ROBO2: variants seen among roughly 807,000 people sequenced by gnomAD.
ROBO2 encodes roundabout homolog 2.
Under a neutral mutation model 160.8 loss-of-function variants are expected in ROBO2, and 53 were observed. The ratio of observed to expected loss-of-function variants is 0.33; its 90% CI spans 0.26 to 0.41. ROBO2 has a LOEUF of 0.41. Ranked by LOEUF, ROBO2 falls within the 10% of genes least tolerant of loss-of-function variation. The pLI is 1.00. For missense variants in ROBO2, 1,577 were observed against 1,722.4 expected (o/e 0.92, Z 1.49); for synonymous variants, 664 against 611.7 (o/e 1.09, Z -1.26).
intron 2 of ROBO2, among the ~76,000 whole-genome samples, chr3:77,158,424 G>T (rs576805661): frequency 3.3e-5 from 5 of 152,160 alleles, no homozygotes; most frequent in Admixed American, 2.0e-4. Flanking sequence ...AACCATATGA[G>T]GTAAGTTAAT....
rs2068149451 is a variant in ROBO2, at chr3:76,840,644, T to G, written c.110-257370T>G. 1.4e-4 allele frequency among the ~76,000 whole-genome samples: 6 copies of G among 43,910 alleles called. No homozygotes were observed. The South Asian group carries it at 3.8e-3, about 28-fold the overall frequency. 28.8% of individuals were successfully genotyped at this position (43,910 alleles called of 152,430 possible). On this transcript the variant is annotated intron_variant, in intron 2 of 26. Coordinates refer to the ROBO2 transcript ENST00000487694. ...AATTATATATATATATTAATTATATTTTATATATATATATATATATATATA... is the reference window on the plus strand; with the variant it reads ...AATTATATATATATATTAATTATATGTTATATATATATATATATATATATA...
At chr3:76,912,920 GAGCTA>G (rs2076079884) in intron 2 of ROBO2, among the ~76,000 whole-genome samples, 1 of 151,892 alleles carries the variant, frequency 6.6e-6, no homozygotes, top group Admixed American at 6.6e-5. Flanking sequence ...AGAACCTAGT[GAGCTA>G]AGATTACATT....
At chr3:77,269,833 C>G (rs944995124) in intron 2 of ROBO2, among the ~76,000 whole-genome samples, 4 of 152,094 alleles carry the variant, frequency 2.6e-5, no homozygotes, top group Non-Finnish European at 5.9e-5. Flanking sequence ...AAACTTTTCT[C>G]TCTTCTGATG....
Position 77,292,125 on chromosome 3 carries a change from C to G in ROBO2, c.389-185289C>G, listed in dbSNP as rs56840824. Among the ~76,000 whole-genome samples, 608 of 148,486 alleles carry G rather than the reference C, an allele frequency of 4.1e-3. 4 individuals are homozygous for G. Among genetic ancestry groups the G allele is most frequent in the African/African-American group, 0.015 (586 of 40,044 alleles). On this transcript the variant is annotated intron_variant, in intron 2 of 25. Coordinates refer to ENST00000461745, the Ensembl canonical transcript of ROBO2. Reference sequence around the variant, plus strand: ...AACGGGTAAGCTGAGGCTAGATCACCCCAGACATAAAGTAAAATTGATGGT... The same window carrying G: ...AACGGGTAAGCTGAGGCTAGATCACGCCAGACATAAAGTAAAATTGATGGT...
chr3:76,382,321 A>G (rs1336475379), intron 2 of ROBO2, among the ~76,000 whole-genome samples: 1 of 152,112 alleles, frequency 6.6e-6, no homozygotes, highest in Non-Finnish European at 1.5e-5. Flanking sequence ...GGGCGCGGTG[A>G]CTCACGCCTG....
At chr3:76,587,296 A>G (rs2086108530) in intron 2 of ROBO2, among the ~76,000 whole-genome samples, 1 of 151,990 alleles carries the variant, frequency 6.6e-6, no homozygotes, top group Non-Finnish European at 1.5e-5. Context: ...CGGTGTATCT[A>G]TAATATATGT....
intron 2 of ROBO2, among the ~76,000 whole-genome samples, chr3:77,017,106 CTTTAT>C (rs2062317373): frequency 6.6e-6 from 1 of 152,114 alleles, no homozygotes; most frequent in Non-Finnish European, 1.5e-5. Flanking sequence ...ACAGGAAGAT[CTTTAT>C]TTTGTCTAGA....
intron 2 of ROBO2, among the ~76,000 whole-genome samples, chr3:76,885,945 G>T (rs1304285807): frequency 2.0e-5 from 3 of 152,148 alleles, no homozygotes; most frequent in Non-Finnish European, 4.4e-5. Context: ...TGAGGAGCGG[G>T]GGAGGGCAGG....
intron 16 of ROBO2, among the ~76,000 whole-genome samples, chr3:77,584,892 A>ATATGTGTGTG (rs2094004675): frequency 6.8e-6 from 1 of 147,316 alleles, no homozygotes; most frequent in African/African-American, 2.5e-5. Context: ...ATATATATGT[A>ATATGTGTGTG]TGTGTGTGTG....
At chr3:75,919,733 A>C (rs2106816542) in intron 1 of ROBO2, among the ~76,000 whole-genome samples, 1 of 152,258 alleles carries the variant, frequency 6.6e-6, no homozygotes, top group South Asian at 2.1e-4. Flanking sequence ...TGGTCTATTC[A>C]GGGATTTGAC....
intron 2 of ROBO2, among the ~76,000 whole-genome samples, chr3:76,693,610 A>C (rs1436174389): frequency 2.0e-5 from 3 of 152,052 alleles, no homozygotes; most frequent in Non-Finnish European, 2.9e-5. Context: ...CAGCGAAGCC[A>C]TGACATAGCG....
At position 76,856,240 on chromosome 3, in the gene ROBO2, C is replaced by T. The variant is rs145667621; in HGVS notation, c.110-241774C>T. Among the ~76,000 whole-genome samples the T allele has an allele frequency of 7.6e-4, 116 of 152,278 alleles. 1 individual carries two copies. The Middle Eastern group carries it at 0.014, about 18-fold the overall frequency. On this transcript the variant is annotated intron_variant, in intron 2 of 26. Coordinates refer to the ROBO2 transcript ENST00000487694. ...AGTCACAGCAGCAAAAATAATTTTG[C>T]ATTATTTACAACCTGCCTTTAGATC... is the stretch of plus-strand genomic sequence containing the variant.
At chr3:76,744,664 A>C (rs2093855747) in intron 2 of ROBO2, among the ~76,000 whole-genome samples, 1 of 152,076 alleles carries the variant, frequency 6.6e-6, no homozygotes, top group African/African-American at 2.4e-5. Context: ...GCCTGGCAAG[A>C]ATTGACCGCT....
intron 2 of ROBO2, among the ~76,000 whole-genome samples, chr3:76,315,776 T>C (rs2071967144): frequency 6.6e-6 from 1 of 152,312 alleles, no homozygotes; most frequent in Non-Finnish European, 1.5e-5. Context: ...ATATTTTCAT[T>C]AATCAGATTT....
At chr3:77,433,486 G>A (rs1581904616) in intron 2 of ROBO2, among the ~76,000 whole-genome samples, 10 of 99,398 alleles carry the variant, frequency 1.0e-4, no homozygotes, top group Non-Finnish European at 1.5e-4. Flanking sequence ...CTGGCAACTT[G>A]TATATATATA....
In ROBO2 at chr3:77,460,282, G is replaced by A. The variant is rs182610169; in HGVS notation, c.389-17132G>A. 4.6e-4 allele frequency among the ~76,000 whole-genome samples: 70 copies of A among 152,260 alleles called. 1 individual carries two copies. In the East Asian group the frequency reaches 0.013, roughly 29 times the overall value. ...AGCGATTCATAGAAGATGATACCATGTACAAAGACAGGGAAGATTGCGGAA... is the reference window on the plus strand; with the variant it reads ...AGCGATTCATAGAAGATGATACCATATACAAAGACAGGGAAGATTGCGGAA... On this transcript the variant is annotated intron_variant, in intron 2 of 25. Transcript: ENST00000461745.
At chr3:77,170,346 A>T (rs1482957218) in intron 2 of ROBO2, among the ~76,000 whole-genome samples, 1 of 152,164 alleles carries the variant, frequency 6.6e-6, no homozygotes, top group Non-Finnish European at 1.5e-5. Flanking sequence ...ATATGTGTTT[A>T]ACAGATCTAA....
chr3:77,537,253 C>T (rs949538454), intron 6 of ROBO2, among the ~76,000 whole-genome samples: 1 of 151,776 alleles, frequency 6.6e-6, no homozygotes, highest in Admixed American at 6.6e-5. Context: ...TTTAAGTAAT[C>T]AGATTTTGAA....
chr3:76,883,224 A>T (rs2073537585), intron 2 of ROBO2, among the ~76,000 whole-genome samples: 1 of 152,182 alleles, frequency 6.6e-6, no homozygotes. Flanking sequence ...TCATTGGAAA[A>T]TTCTTGTATA....
Sources: allele counts gnomAD v4.1 joint callset (sites outside exome capture counted in the v4.1 genomes callset), GRCh38; gene constraint gnomAD v4.1.1; transcripts MANE v1.5; gene names NCBI Gene and HGNC (gene_info 2026-07-23, HGNC 2026-07-21).